The following SEL1L3 variants were observed in gnomAD, a reference collection of about 807,000 sequenced individuals.
SEL1L3 encodes the protein protein sel-1 homolog 3.
Under a neutral mutation model 142.8 loss-of-function variants are expected in SEL1L3, and 76 were observed. The ratio of observed to expected loss-of-function variants is 0.53; its 90% confidence interval spans 0.44 to 0.64. The LOEUF (loss-of-function observed/expected upper bound fraction) is 0.64, where lower values mean the gene tolerates loss of function less well. Ranked by LOEUF, SEL1L3 falls within the 30% of genes least tolerant of loss-of-function variation. The pLI is 0.00. For missense variants in SEL1L3, 1,262 were observed against 1,381.7 expected (o/e 0.91, Z 1.37); for synonymous variants, 504 against 519.6 (o/e 0.97, Z 0.41).
At chr4:25,836,916 G>GA (rs1006929237) in intron 2 of SEL1L3, among the ~76,000 whole-genome samples, 59 of 152,224 alleles carry the variant, frequency 3.9e-4, no homozygotes, top group African/African-American at 1.3e-3. Flanking sequence ...GAAATCGTAA[G>GA]AGCAGTTTTT....
chr4:25,781,989 C>T (rs1720032609), intron 15 of SEL1L3, among the ~76,000 whole-genome samples: 1 of 152,216 alleles, frequency 6.6e-6, no homozygotes, highest in African/African-American at 2.4e-5. Context: ...CTCCAAGAAG[C>T]CTTCCTGGCT....
rs760043656 is a variant in SEL1L3, at chr4:25,786,664, G to A, written c.2217+1560C>T. Among the ~76,000 whole-genome samples, 9 of 152,338 alleles carry A rather than the reference G, an allele frequency of 5.9e-5. No individual in the cohort carries two copies. In the South Asian group the frequency reaches 1.0e-3, roughly 18 times the overall value. On this transcript the variant is annotated intron_variant, in intron 13 of 23. Transcript: ENST00000399878. ...GTATGAGCTCCCTGAGGTCATGGAC[G>A]TGACTCATGCATCCATATGCCCCTC...
the SEL1L3 span, among the ~76,000 whole-genome samples, chr4:25,741,831 A>T: frequency 1.3e-5 from 2 of 150,258 alleles, no homozygotes; most frequent in Non-Finnish European, 1.5e-5. Flanking sequence ...TATTATATAT[A>T]TTTTTTTTGA....
intron 1 of SEL1L3, among the ~76,000 whole-genome samples, chr4:25,853,664 C>CTTTTTTTTTTTTTT (rs34922528): frequency 2.4e-5 from 2 of 83,004 alleles, no homozygotes; most frequent in Admixed American, 1.6e-4. Context: ...CTCTTCTTAC[C>CTTTTTTTTTTTTTT]TTTTTTTTTT....
At position 25,833,439 on chromosome 4, in the gene SEL1L3, T is replaced by C. The variant is rs373521666; in HGVS notation, c.982+9A>G. Reference sequence around the variant, plus strand: ...CAATATCATTTTAAAGGTTCTGTTTTATACTCACCCTCTTCCGTAAGAAAT... The same window carrying C: ...CAATATCATTTTAAAGGTTCTGTTTCATACTCACCCTCTTCCGTAAGAAAT... On this transcript the variant is annotated intron_variant, in intron 4 of 23. Transcript: ENST00000399878. 5 of 1,609,168 alleles carry C rather than the reference T, an allele frequency of 3.1e-6. No individual in the cohort carries two copies. Among genetic ancestry groups the C allele is most frequent in the Middle Eastern group, 1.7e-4 (1 of 6,022 alleles).
chr4:25,827,064 T>G (rs1318745325), intron 6 of SEL1L3, among the ~76,000 whole-genome samples: 1 of 152,240 alleles, frequency 6.6e-6, no homozygotes, highest in African/African-American at 2.4e-5. Flanking sequence ...GATCCTTCTA[T>G]GTTTACACTG....
intron 11 of SEL1L3, among the ~76,000 whole-genome samples, chr4:25,792,522 C>T (rs1712417755): frequency 1.3e-5 from 2 of 152,238 alleles, no homozygotes; most frequent in Non-Finnish European, 2.9e-5. Flanking sequence ...CTCCAGAGGA[C>T]ACTGTCCTGG....
intron 2 of SEL1L3, among the ~76,000 whole-genome samples, chr4:25,845,811 T>C (rs1447819883): frequency 2.6e-5 from 4 of 152,044 alleles, no homozygotes; most frequent in Non-Finnish European, 5.9e-5. Flanking sequence ...TTGCCACAAA[T>C]CCATGGATGT....
intron 2 of SEL1L3, among the ~76,000 whole-genome samples, chr4:25,840,835 A>G (rs1388509782): frequency 3.3e-5 from 5 of 152,016 alleles, no homozygotes; most frequent in Non-Finnish European, 7.4e-5. Context: ...CCTACTCAAC[A>G]CCATGCTCTA....
the SEL1L3 span, among the ~76,000 whole-genome samples, chr4:25,727,718 G>A: frequency 6.6e-6 from 1 of 152,134 alleles, no homozygotes; most frequent in Non-Finnish European, 1.5e-5. Flanking sequence ...AATAGGACAG[G>A]GGCTTCACAA....
chr4:25,795,155 CGT>C (rs201200703), intron 11 of SEL1L3, among the ~76,000 whole-genome samples: 2,126 of 152,192 alleles, frequency 0.014, 46 homozygotes, highest in African/African-American at 0.049. Context: ...CCATGGCACA[CGT>C]TTACCTATGT....
chr4:25,732,135 T>C, the SEL1L3 span, among the ~76,000 whole-genome samples: 5 of 152,022 alleles, frequency 3.3e-5, no homozygotes, highest in Admixed American at 6.6e-5. Flanking sequence ...GCTGTAAACA[T>C]TGGTGTACAC....
the SEL1L3 span, among the ~76,000 whole-genome samples, chr4:25,725,160 A>G: frequency 6.6e-6 from 1 of 152,158 alleles, no homozygotes; most frequent in African/African-American, 2.4e-5. Context: ...AGGAGTCCCA[A>G]TCCAGACCCT....
At chr4:25,839,029 T>C (rs1051744198) in intron 2 of SEL1L3, among the ~76,000 whole-genome samples, 4 of 152,086 alleles carry the variant, frequency 2.6e-5, no homozygotes, top group Admixed American at 6.6e-5. Flanking sequence ...ATGCAAGGAA[T>C]CACAATGACT....
At chr4:25,786,563 C>T (rs1307297294) in intron 13 of SEL1L3, among the ~76,000 whole-genome samples, 1 of 152,160 alleles carries the variant, frequency 6.6e-6, no homozygotes, top group African/African-American at 2.4e-5. Flanking sequence ...CTTTGGACAG[C>T]GATCGGCCTC....
chr4:25,765,981 C>T (rs1560283159), intron 19 of SEL1L3, among the ~76,000 whole-genome samples: 1 of 152,152 alleles, frequency 6.6e-6, no homozygotes, highest in Non-Finnish European at 1.5e-5. Context: ...TCCTGAATAG[C>T]TAAATCTCAG....
In SEL1L3 at chr4:25,847,541, G is replaced by A. The variant is rs1054714632; in HGVS notation, c.486C>T (p.Ile162=). ...SIMVYRDDYF[I]RHSISVSAVI... ...CTGCAGATACAGAGATGGAATGTCT[G>A]ATGAAATAATCATCTCTGTAAACCA... The change falls in exon 2 of 24, where the codon ATC becomes ATT. Residue 162 remains isoleucine (I), a synonymous_variant. Transcript: ENST00000399878. 8 of 1,613,680 alleles carry A rather than the reference G, an allele frequency of 5.0e-6. No homozygotes were observed. The Admixed American group carries it at 1.2e-4, about 24-fold the overall frequency.
In SEL1L3 at chr4:25,862,834, CATGGCG is replaced by C; in HGVS notation, c.-4_2del. On this transcript the variant is annotated start_lost and 5_prime_UTR_variant, in exon 1 of 24. Coordinates refer to ENST00000399878, the MANE Select transcript of SEL1L3 (RefSeq NM_015187.5). ...ACCCGAGCCCCGCGCCGCGCCGCTG[CATGGCG>C]AGGCCGCCCGGATCCGGGCCGGAAC... is the stretch of plus-strand genomic sequence containing the variant. 1.8e-6 allele frequency: 2 copies of C among 1,120,784 alleles called. No individual in the cohort carries two copies. The highest frequency in any genetic ancestry group is 2.2e-6 in the Non-Finnish European group (2 of 918,232). 69.4% of individuals were successfully genotyped at this position (1,120,784 alleles called of 1,614,324 possible).
downstream of SEL1L3, among the ~76,000 whole-genome samples, chr4:25,746,521 TA>T (rs1717271392): frequency 7.2e-6 from 1 of 138,986 alleles, no homozygotes; most frequent in Non-Finnish European, 1.5e-5. Context: ...TATATATATA[TA>T]TATATTTAAA....
Sources: allele counts gnomAD v4.1 joint callset (sites outside exome capture counted in the v4.1 genomes callset), GRCh38; gene constraint gnomAD v4.1.1; transcripts MANE v1.5; gene names NCBI Gene and HGNC (gene_info 2026-07-23, HGNC 2026-07-21).